DCLK1: variants seen among roughly 807,000 people sequenced by gnomAD.
DCLK1 encodes doublecortin like kinase 1, also known as serine/threonine-protein kinase DCLK1.
Under a neutral mutation model 86.2 loss-of-function variants are expected in DCLK1, and 16 were observed. The ratio of observed to expected loss-of-function variants is 0.19; its 90% confidence interval spans 0.13 to 0.28. The LOEUF is 0.28. Among genes scored for constraint, DCLK1 ranks in the 10% least tolerant of loss-of-function variants. DCLK1 has a pLI of 1.00. For missense variants in DCLK1, 590 were observed against 940.2 expected (o/e 0.63, Z 4.87); for synonymous variants, 369 against 370.5 (o/e 1.00, Z 0.05).
At chr13:36,078,953 G>C (rs1023860132) in intron 3 of DCLK1, among the ~76,000 whole-genome samples, 1 of 152,136 alleles carries the variant, frequency 6.6e-6, no homozygotes, top group African/African-American at 2.4e-5. Flanking sequence ...AAAACCGAGG[G>C]GGATGGTGGA....
At chr13:35,856,816 T>C (rs1473082642) in intron 5 of DCLK1, among the ~76,000 whole-genome samples, 1 of 152,206 alleles carries the variant, frequency 6.6e-6, no homozygotes, top group Admixed American at 6.5e-5. Flanking sequence ...AGTATGTATA[T>C]ATATTACATC....
chr13:36,008,925 G>A (rs1440471472), intron 3 of DCLK1, among the ~76,000 whole-genome samples: 4 of 129,642 alleles, frequency 3.1e-5, no homozygotes, highest in Non-Finnish European at 6.4e-5. Context: ...TCTAACTGGT[G>A]TGAGATGATA....
rs1247556516 is a variant in DCLK1 at position 36,066,465 on chromosome 13, C to T, written c.723+45404G>A. 2.6e-5 allele frequency among the ~76,000 whole-genome samples: 4 copies of T among 152,294 alleles called. No individual in the cohort carries two copies. In the East Asian group the frequency reaches 7.7e-4, roughly 29 times the overall value. ...ATATTGTTTGAAGTAATCACTGGTA[C>T]ATTTCTCTCTATGGTTTTCATTCAC... On this transcript the variant is annotated intron_variant, in intron 3 of 16. Coordinates refer to ENST00000360631, the MANE Select transcript of DCLK1 (RefSeq NM_001330071.2).
chr13:36,035,145 G>A (rs568021769), intron 3 of DCLK1, among the ~76,000 whole-genome samples: 1 of 152,098 alleles, frequency 6.6e-6, no homozygotes, highest in Admixed American at 6.6e-5. Flanking sequence ...GTCTGCTATT[G>A]TGTCTCTCCC....
intron 3 of DCLK1, among the ~76,000 whole-genome samples, chr13:35,961,296 T>A (rs891560379): frequency 1.3e-5 from 2 of 152,214 alleles, no homozygotes; most frequent in African/African-American, 4.8e-5. Flanking sequence ...GTATAGCCCT[T>A]AAGTTAATGT....
chr13:36,048,866 T>G (rs932278785), intron 3 of DCLK1, among the ~76,000 whole-genome samples: 2 of 151,920 alleles, frequency 1.3e-5, no homozygotes, highest in Non-Finnish European at 2.9e-5. Context: ...TGCAAAAGCC[T>G]CAGGACTCCG....
At chr13:35,920,871 C>A (rs1449492013) in intron 4 of DCLK1, among the ~76,000 whole-genome samples, 1 of 152,050 alleles carries the variant, frequency 6.6e-6, no homozygotes, top group Non-Finnish European at 1.5e-5. Context: ...GGAAATTGCC[C>A]GTGGTCCCTC....
At chr13:35,798,640 T>A (rs2086859295) in intron 15 of DCLK1, among the ~76,000 whole-genome samples, 1 of 152,198 alleles carries the variant, frequency 6.6e-6, no homozygotes, top group Admixed American at 6.5e-5. Flanking sequence ...GGAGAAAATG[T>A]AAGGCAAGTT....
At chr13:35,970,479 TG>T (rs1267837442) in intron 3 of DCLK1, among the ~76,000 whole-genome samples, 1 of 152,142 alleles carries the variant, frequency 6.6e-6, no homozygotes, top group Non-Finnish European at 1.5e-5. Context: ...TATTGGGAGG[TG>T]GGGCCTCTAA....
intron 4 of DCLK1, among the ~76,000 whole-genome samples, chr13:35,876,565 G>C (rs1872603132): frequency 6.6e-6 from 1 of 152,166 alleles, no homozygotes; most frequent in African/African-American, 2.4e-5. Context: ...AGGAACAAAT[G>C]CTGCATGGCT....
At chr13:35,876,846 G>A (rs1872620254) in intron 4 of DCLK1, among the ~76,000 whole-genome samples, 1 of 152,126 alleles carries the variant, frequency 6.6e-6, no homozygotes, top group Non-Finnish European at 1.5e-5. Context: ...ATTTCCTTTG[G>A]TGGTGGAGAA....
intron 3 of DCLK1, among the ~76,000 whole-genome samples, chr13:35,992,656 A>G (rs547037950): frequency 3.0e-4 from 46 of 152,248 alleles, no homozygotes; most frequent in African/African-American, 1.1e-3. Flanking sequence ...CCCCAGCATC[A>G]TTGTTGACCA....
chr13:35,932,049 T>C (rs146738359), intron 4 of DCLK1, among the ~76,000 whole-genome samples: 1 of 152,278 alleles, frequency 6.6e-6, no homozygotes, highest in East Asian at 1.9e-4. Flanking sequence ...TTGGGGTGTG[T>C]CTGTGAGGAT....
chr13:36,036,374 C>T (rs563955555), intron 3 of DCLK1, among the ~76,000 whole-genome samples: 36 of 152,330 alleles, frequency 2.4e-4, no homozygotes, highest in African/African-American at 7.9e-4. Context: ...ACCACCGGCT[C>T]GACCTCGAAT....
At chr13:36,067,475 G>T (rs1566667341) in intron 3 of DCLK1, among the ~76,000 whole-genome samples, 1 of 146,088 alleles carries the variant, frequency 6.8e-6, no homozygotes, top group South Asian at 2.2e-4. Context: ...GAGTTAATGG[G>T]TGCAGCACAC....
chr13:35,884,514 C>A (rs1873110868), intron 4 of DCLK1, among the ~76,000 whole-genome samples: 1 of 152,010 alleles, frequency 6.6e-6, no homozygotes, highest in Admixed American at 6.6e-5. Context: ...AAGAATTCCT[C>A]CAAGAGAAAA....
At chr13:35,963,280 G>A (rs1361008186) in intron 3 of DCLK1, among the ~76,000 whole-genome samples, 1 of 152,198 alleles carries the variant, frequency 6.6e-6, no homozygotes, top group African/African-American at 2.4e-5. Context: ...TTTCTTATGA[G>A]CCTACTACGC....
chr13:35,829,463 C>A (rs1337001903), intron 8 of DCLK1, among the ~76,000 whole-genome samples: 1 of 152,110 alleles, frequency 6.6e-6, no homozygotes, highest in East Asian at 1.9e-4. Context: ...TAAGAACATG[C>A]TTTTAAAATA....
At chr13:35,998,299 A>G (rs552883591) in intron 3 of DCLK1, among the ~76,000 whole-genome samples, 1 of 152,290 alleles carries the variant, frequency 6.6e-6, no homozygotes, top group South Asian at 2.1e-4. Flanking sequence ...TAAAATAAAA[A>G]TGCCCTTCAA....
Sources: gnomAD v4.1 joint callset for allele counts (sites outside exome capture counted in the v4.1 genomes callset) on GRCh38, gnomAD v4.1.1 for gene constraint, MANE v1.5 for transcripts, NCBI Gene and HGNC (gene_info 2026-07-23, HGNC 2026-07-21) for gene names.